Variants in GALC observed in about 807,000 individuals in gnomAD.
GALC encodes the protein galactocerebrosidase.
In GALC, 77 loss-of-function variants were observed where a neutral mutation model predicts 91.8. That is an observed-to-expected ratio of 0.84 (90% CI 0.70 to 1.01). The LOEUF (loss-of-function observed/expected upper bound fraction) is 1.01. GALC is among the 50% of genes least tolerant of loss of function. GALC has a pLI of 0.00. For missense variants in GALC, 882 were observed against 855.9 expected (o/e 1.03, Z -0.38); for synonymous variants, 357 against 306.7 (o/e 1.16, Z -1.71).
chr14:87,977,393 A>G (rs1321332704), intron 6 of GALC, among the ~76,000 whole-genome samples: 2 of 152,202 alleles, frequency 1.3e-5, no homozygotes, highest in African/African-American at 4.8e-5. Context: ...AAGAAGTATC[A>G]GAGGGAGCCC....
At chr14:87,980,239 CG>C (rs1007444070) in intron 6 of GALC, among the ~76,000 whole-genome samples, 6 of 151,942 alleles carry the variant, frequency 3.9e-5, no homozygotes, top group African/African-American at 1.5e-4. Flanking sequence ...AAAAATTAGC[CG>C]GGCGTGGTGG....
chr14:87,949,847 A>G lies in GALC; in HGVS notation c.1336T>C (p.Trp446Arg). ...RFLFKQLDSL[W>R]LLDSDGSFTL... ...ATAAGAATTTACTTTAAAATTACCC[A>G]TAGAGAATCCAGCTGCTTAAAAAGA... Residue 446 changes from tryptophan to arginine, a missense_variant and splice_region_variant, in exon 12 of 17, where the codon TGG becomes CGG. Physicochemically the swap from Trp to Arg is moderately radical, Grantham distance 101. Transcript: ENST00000261304. 2.6e-6 allele frequency: 4 copies of G among 1,531,108 alleles called. No homozygotes were observed. The highest frequency in any genetic ancestry group is 3.6e-6 in the Non-Finnish European group (4 of 1,105,466). 94.8% of individuals were successfully genotyped at this position (1,531,108 alleles called of 1,614,324 possible). A position where few individuals can be genotyped will look rare whatever the true frequency, so the allele number is the denominator to read the frequency against.
At chr14:87,945,072 C>T (rs1885009322) in intron 14 of GALC, among the ~76,000 whole-genome samples, 1 of 151,882 alleles carries the variant, frequency 6.6e-6, no homozygotes, top group Non-Finnish European at 1.5e-5. Flanking sequence ...AAGTTAAATT[C>T]ACTAGGCGAC....
chr14:87,952,842 T>C (rs1885368694), intron 10 of GALC: 4 of 1,244,712 alleles, frequency 3.2e-6, no homozygotes, highest in Non-Finnish European at 4.7e-6. Flanking sequence ...GGTAACGAGC[T>C]CTAATATGCA....
At chr14:87,939,769 T>G (rs1171177154) in intron 16 of GALC, 136 bp downstream of exon 16, 2 of 736,756 alleles carry the variant, frequency 2.7e-6, no homozygotes, top group Middle Eastern at 2.3e-4. Context: ...GATGAGTGGC[T>G]TCCCGGCACC....
upstream of GALC, chr14:87,993,287 C>T (rs1229226116): frequency 2.6e-6 from 4 of 1,538,820 alleles, no homozygotes; most frequent in Admixed American, 7.8e-5. Context: ...TCAAGGGCCT[C>T]TGACGCAGCT....
intron 9 of GALC, 42 bp downstream of exon 9, chr14:87,965,463 T>TA: frequency 6.2e-7 from 1 of 1,607,038 alleles, no homozygotes; most frequent in Non-Finnish European, 8.5e-7. Context: ...CTTTGTCTCT[T>TA]AGAGAAGAAT....
In GALC at chr14:87,934,305, T is replaced by C. The variant is rs1595183098; in HGVS notation, c.*427A>G. On this transcript the variant is annotated 3_prime_UTR_variant, in exon 17 of 17. Coordinates refer to ENST00000261304, the MANE Select transcript of GALC (RefSeq NM_000153.4). ...GCTTTCTATTATGGCAGCATCATCTTGTGATGAAGACACTGGCTCACTTGG... is the reference window on the plus strand; with the variant it reads ...GCTTTCTATTATGGCAGCATCATCTCGTGATGAAGACACTGGCTCACTTGG... The C allele has an allele frequency of 7.8e-7, 1 of 1,288,050 alleles. No individual in the cohort carries two copies. Among genetic ancestry groups the C allele is most frequent in the East Asian group, 3.5e-5 (1 of 28,760 alleles). 79.8% of individuals were successfully genotyped at this position (1,288,050 alleles called of 1,614,324 possible).
rs1885962006 is a variant in GALC, at chr14:87,964,803, C to T, written c.1033+702G>A. ...ATTCATCTCCAATTCCCTTACACTA[C>T]GAAAATTTGTGCTATGTTGACTTTT... On this transcript the variant is annotated intron_variant, in intron 9 of 16. Transcript: ENST00000261304. 2.6e-5 allele frequency among the ~76,000 whole-genome samples: 4 copies of T among 152,092 alleles called. No individual in the cohort carries two copies. The South Asian group carries it at 6.2e-4, about 24-fold the overall frequency.
intron 14 of GALC, among the ~76,000 whole-genome samples, chr14:87,942,735 G>A (rs1000755207): frequency 1.3e-5 from 2 of 151,932 alleles, no homozygotes; most frequent in Non-Finnish European, 2.9e-5. Context: ...ACTACATAAA[G>A]GAAAATATTA....
intron 16 of GALC, among the ~76,000 whole-genome samples, chr14:87,938,709 G>T (rs1014856741): frequency 2.0e-5 from 3 of 151,760 alleles, no homozygotes; most frequent in Non-Finnish European, 4.4e-5. Flanking sequence ...TAGCTTGGGG[G>T]AAAAATGTTC....
At chr14:87,973,785 G>C (rs1886388908) in intron 7 of GALC, among the ~76,000 whole-genome samples, 1 of 152,148 alleles carries the variant, frequency 6.6e-6, no homozygotes. Flanking sequence ...GTGTACTAAA[G>C]GATGTTTAGA....
chr14:87,985,182 A>T (rs1441206328), intron 4 of GALC, among the ~76,000 whole-genome samples: 1 of 152,152 alleles, frequency 6.6e-6, no homozygotes, highest in Admixed American at 6.6e-5. Context: ...AAGAGTAGAA[A>T]AGTACTTATT....
chr14:87,985,579 T>C (rs1886934215), intron 4 of GALC, among the ~76,000 whole-genome samples: 1 of 152,252 alleles, frequency 6.6e-6, no homozygotes, highest in African/African-American at 2.4e-5. Flanking sequence ...AGCCCATTTA[T>C]AAAGAACATA....
intron 4 of GALC, among the ~76,000 whole-genome samples, chr14:87,984,943 C>CCT (rs5810392): frequency 0.67 from 101,164 of 151,816 alleles, 34,271 homozygotes; most frequent in East Asian, 0.92. Context: ...CCAAACTACT[C>CCT]TTGAGTTATG....
chr14:87,981,853 A>G (rs1284909230), intron 6 of GALC, among the ~76,000 whole-genome samples: 1 of 152,216 alleles, frequency 6.6e-6, no homozygotes, highest in Non-Finnish European at 1.5e-5. Flanking sequence ...GACAAAAGAC[A>G]AAGAAAAAAA....
At chr14:87,947,529 A>G (rs1885120165) in intron 13 of GALC, among the ~76,000 whole-genome samples, 199 bp downstream of exon 13, 1 of 152,060 alleles carries the variant, frequency 6.6e-6, no homozygotes, top group Non-Finnish European at 1.5e-5. Context: ...CTGAAACTGA[A>G]AAATACAGGG....
At chr14:87,942,405 A>C (rs1202694434) in intron 14 of GALC, among the ~76,000 whole-genome samples, 1 of 152,058 alleles carries the variant, frequency 6.6e-6, no homozygotes, top group Non-Finnish European at 1.5e-5. Flanking sequence ...AGGGACTACC[A>C]GAGCTTTTAC....
intron 4 of GALC, among the ~76,000 whole-genome samples, chr14:87,985,191 T>C (rs1316234764): frequency 2.0e-5 from 3 of 151,938 alleles, no homozygotes; most frequent in Non-Finnish European, 4.4e-5. Context: ...AAAGTACTTA[T>C]TATAATTCTA....
Sources: gnomAD v4.1 joint callset for allele counts (sites outside exome capture counted in the v4.1 genomes callset) on GRCh38, gnomAD v4.1.1 for gene constraint, MANE v1.5 for transcripts, NCBI Gene and HGNC (gene_info 2026-07-23, HGNC 2026-07-21) for gene names.